FTO: variants seen among roughly 807,000 people sequenced by gnomAD.
The protein encoded by FTO is alpha-ketoglutarate-dependent dioxygenase FTO.
In FTO, 47 loss-of-function variants were observed where a neutral mutation model predicts 63.9. That is an observed-to-expected ratio of 0.74 (90% CI 0.58 to 0.94). The LOEUF (loss-of-function observed/expected upper bound fraction) is 0.94, where lower values mean the gene tolerates loss of function less well. FTO is among the 40% of genes least tolerant of loss of function. The probability of loss-of-function intolerance (pLI) is 0.00; values close to 1 mark genes in which losing one functional copy is unlikely to be tolerated. For synonymous variants in FTO, 207 were observed against 224.4 expected, an observed-to-expected ratio of 0.92 and a Z score of 0.69; for missense variants, 562 against 618.1, an observed-to-expected ratio of 0.91 and a Z score of 0.96.
At chr16:53,861,587 C>G (rs2080175079) in intron 4 of FTO, among the ~76,000 whole-genome samples, 1 of 152,112 alleles carries the variant, frequency 6.6e-6, no homozygotes, top group Non-Finnish European at 1.5e-5. Flanking sequence ...GCCCACTTCC[C>G]AGATATTTTC....
intron 7 of FTO, among the ~76,000 whole-genome samples, chr16:53,925,958 G>C (rs8051580): frequency 0.57 from 86,553 of 151,398 alleles, 24,946 homozygotes; most frequent in East Asian, 0.85. Context: ...CTCTCTCTCT[G>C]TCTCTCTCTG....
At chr16:53,872,468 C>T (rs879690525) in intron 4 of FTO, among the ~76,000 whole-genome samples, 5 of 152,188 alleles carry the variant, frequency 3.3e-5, no homozygotes, top group Non-Finnish European at 7.3e-5. Flanking sequence ...GTTTTGACTT[C>T]CTCTTCTCTA....
chr16:53,900,175 T>C (rs571348197), intron 7 of FTO, among the ~76,000 whole-genome samples: 9 of 152,230 alleles, frequency 5.9e-5, no homozygotes, highest in Non-Finnish European at 1.3e-4. Context: ...AGGGTGGCCT[T>C]CTGGGATTCT....
intron 6 of FTO, 80 bp from the exon 7 acceptor site, chr16:53,888,752 G>A: frequency 1.4e-6 from 2 of 1,480,058 alleles, no homozygotes; most frequent in South Asian, 1.1e-5. Context: ...TACTGGAGGA[G>A]AATTAAGAGA....
intron 7 of FTO, among the ~76,000 whole-genome samples, chr16:53,917,330 C>T (rs1332116861): frequency 6.6e-6 from 1 of 152,204 alleles, no homozygotes; most frequent in Non-Finnish European, 1.5e-5. Flanking sequence ...CTACTACCCA[C>T]TGGGTTTAAC....
chr16:53,856,255 T>C (rs1403434401), intron 4 of FTO, among the ~76,000 whole-genome samples: 1 of 152,258 alleles, frequency 6.6e-6, no homozygotes, highest in Middle Eastern at 3.4e-3. Flanking sequence ...TGAGTTTGAC[T>C]TTCCTCATCT....
chr16:53,711,575 A>G (rs1181314599), intron 1 of FTO: 1 of 396,928 alleles, frequency 2.5e-6, no homozygotes, highest in Admixed American at 4.4e-5. Flanking sequence ...TTAAAGGTGT[A>G]TCCTTATGAG....
intron 7 of FTO, among the ~76,000 whole-genome samples, chr16:53,909,391 C>T (rs530457524): frequency 6.6e-6 from 1 of 152,058 alleles, no homozygotes; most frequent in Non-Finnish European, 1.5e-5. Context: ...TCTGAGGGTG[C>T]TGCAGAGAAC....
chr16:54,095,273 T>A (rs1286800098), intron 8 of FTO, among the ~76,000 whole-genome samples: 1 of 152,108 alleles, frequency 6.6e-6, no homozygotes, highest in African/African-American at 2.4e-5. Context: ...CTCCTGACCT[T>A]AAGGGAGCCT....
chr16:53,965,317 G>A (rs12598964), intron 8 of FTO, among the ~76,000 whole-genome samples: 65,256 of 151,864 alleles, frequency 0.43, 15,388 homozygotes, highest in East Asian at 0.73. Flanking sequence ...CTTGTGATCC[G>A]CCCACCTTGG....
At position 53,817,352 on chromosome 16, in the gene FTO, C is replaced by T. The variant is rs748677139; in HGVS notation, c.123+7135C>T. On this transcript the variant is annotated intron_variant, in intron 2 of 8. Coordinates refer to ENST00000471389, the MANE Select transcript of FTO (RefSeq NM_001080432.3). ...TCATGCAGGCAGAGTCTGGGTCAGA[C>T]GAGTGTTTAGCCCGTTAGTCATCGG... Among the ~76,000 whole-genome samples, 6 of 152,026 alleles carry T rather than the reference C, an allele frequency of 3.9e-5. No individual in the cohort carries two copies. In the South Asian group the frequency reaches 6.2e-4, roughly 16 times the overall value.
intron 1 of FTO, among the ~76,000 whole-genome samples, chr16:53,786,260 T>C (rs1029887766): frequency 3.3e-5 from 5 of 152,122 alleles, no homozygotes; most frequent in African/African-American, 1.2e-4. Flanking sequence ...TTATAGGCCA[T>C]AAGTGAGAAA....
intron 2 of FTO, among the ~76,000 whole-genome samples, chr16:53,822,152 C>T (rs939312986): frequency 2.6e-5 from 4 of 152,296 alleles, no homozygotes; most frequent in Admixed American, 2.0e-4. Flanking sequence ...ATTTGGCAAA[C>T]AGCTCTAATG....
chr16:53,913,223 C>G (rs1324029426), intron 7 of FTO, among the ~76,000 whole-genome samples: 1 of 152,228 alleles, frequency 6.6e-6, no homozygotes, highest in Non-Finnish European at 1.5e-5. Context: ...TCTGTCTTGT[C>G]AGAATGACGG....
chr16:53,781,756 T>G (rs926939445), intron 1 of FTO, among the ~76,000 whole-genome samples: 2 of 152,158 alleles, frequency 1.3e-5, no homozygotes, highest in African/African-American at 4.8e-5. Context: ...TGGTGCTTGG[T>G]CTGTGGGGGC....
At chr16:53,958,169 A>G (rs1241558586) in intron 8 of FTO, among the ~76,000 whole-genome samples, 2 of 152,228 alleles carry the variant, frequency 1.3e-5, no homozygotes, top group African/African-American at 2.4e-5. Flanking sequence ...TACTCTTGGT[A>G]TAGGGCATGC....
At chr16:54,046,138 G>A (rs1283610420) in intron 8 of FTO, among the ~76,000 whole-genome samples, 1 of 96,312 alleles carries the variant, frequency 1.0e-5, no homozygotes, top group Non-Finnish European at 1.8e-5. Flanking sequence ...GGAAATAAAG[G>A]GTATTCAGTT....
At chr16:54,034,331 T>C (rs1329001753) in intron 8 of FTO, among the ~76,000 whole-genome samples, 1 of 152,202 alleles carries the variant, frequency 6.6e-6, no homozygotes, top group Non-Finnish European at 1.5e-5. Context: ...AAGAGCTTTA[T>C]GATTCTAAAA....
At chr16:53,832,145 C>T (rs1307218867) in intron 3 of FTO, among the ~76,000 whole-genome samples, 5 of 152,132 alleles carry the variant, frequency 3.3e-5, no homozygotes, top group Non-Finnish European at 5.9e-5. Flanking sequence ...TGTTTCAGCA[C>T]CAGTGAGAAA....
Sources: allele counts gnomAD v4.1 joint callset (sites outside exome capture counted in the v4.1 genomes callset), GRCh38; gene constraint gnomAD v4.1.1; transcripts MANE v1.5; gene names NCBI Gene and HGNC (gene_info 2026-07-23, HGNC 2026-07-21).